PRKG1: variants seen among roughly 807,000 people sequenced by gnomAD.
PRKG1 encodes the protein cGMP-dependent protein kinase 1.
In PRKG1, 35 loss-of-function variants were observed where a neutral mutation model predicts 88.1. The ratio of observed to expected loss-of-function variants is 0.40; its 90% CI spans 0.30 to 0.53. The LOEUF (loss-of-function observed/expected upper bound fraction) is 0.53, where lower values mean the gene tolerates loss of function less well. Among genes scored for constraint, PRKG1 ranks in the 20% least tolerant of loss-of-function variants. The pLI is 0.59. For synonymous variants in PRKG1, 303 were observed against 292.5 expected (o/e 1.04, Z -0.37); for missense variants, 540 against 839.8 (o/e 0.64, Z 4.41).
chr10:51,988,671 C>T lies in PRKG1; in HGVS notation c.763-65813C>T, dbSNP rs570080860. On this transcript the variant is annotated intron_variant, in intron 5 of 17. Coordinates refer to ENST00000373980, the MANE Select transcript of PRKG1 (RefSeq NM_006258.4). ...CTTCTGTGAATTATCTATGCATATC[C>T]TTTATACCTTTTTCTTTTAGGTTTT... is the stretch of plus-strand genomic sequence containing the variant. 5.5e-4 allele frequency among the ~76,000 whole-genome samples: 84 copies of T among 152,058 alleles called. No homozygotes were observed. The South Asian group carries it at 0.011, about 20-fold the overall frequency.
chr10:51,551,837 G>A (rs1374260170), intron 3 of PRKG1, among the ~76,000 whole-genome samples: 1 of 151,740 alleles, frequency 6.6e-6, no homozygotes, highest in Non-Finnish European at 1.5e-5. Context: ...CTATGGAGAA[G>A]ACTAACCATA....
At chr10:51,114,434 A>T (rs1356084993) in intron 1 of PRKG1, among the ~76,000 whole-genome samples, 1 of 42,514 alleles carries the variant, frequency 2.4e-5, no homozygotes, top group Non-Finnish European at 5.9e-5. Flanking sequence ...CCCATGAGTG[A>T]CTCTGTGTGT....
intron 1 of PRKG1, among the ~76,000 whole-genome samples, chr10:51,086,926 T>A (rs1205066554): frequency 6.6e-6 from 1 of 152,200 alleles, no homozygotes; most frequent in Admixed American, 6.5e-5. Context: ...GGAAAATGGC[T>A]CAAGTATACA....
Position 51,702,469 on chromosome 10 carries a change from A to G in PRKG1, c.593-102116A>G, listed in dbSNP as rs181016033. ...CTAACTTGGAAGAACATCCATTTTT[A>G]TACTGCTTTTTTATTCCCATAAAGT... On this transcript the variant is annotated intron_variant, in intron 3 of 17. Transcript: ENST00000373980. Among the ~76,000 whole-genome samples the G allele has an allele frequency of 8.6e-4, 131 of 152,278 alleles. 2 individuals are homozygous for G. In the East Asian group the frequency reaches 0.022, roughly 26 times the overall value.
intron 1 of PRKG1, among the ~76,000 whole-genome samples, chr10:51,054,774 A>G (rs554603927): frequency 6.6e-6 from 1 of 152,278 alleles, no homozygotes; most frequent in East Asian, 1.9e-4. Flanking sequence ...GAAGCCCACA[A>G]GCTGTATGAT....
intron 7 of PRKG1, among the ~76,000 whole-genome samples, chr10:52,099,867 A>G (rs1847256261): frequency 6.6e-6 from 1 of 152,232 alleles, no homozygotes; most frequent in Admixed American, 6.5e-5. Flanking sequence ...TCCTAAGTCA[A>G]GAACTAAACA....
chr10:52,075,357 G>A (rs1242511985), intron 7 of PRKG1, among the ~76,000 whole-genome samples: 7 of 152,124 alleles, frequency 4.6e-5, no homozygotes, highest in Admixed American at 4.6e-4. Context: ...CAATCAAAAT[G>A]TTACTAAGAT....
At chr10:51,325,593 G>T (rs1273907436) in intron 2 of PRKG1, among the ~76,000 whole-genome samples, 1 of 152,140 alleles carries the variant, frequency 6.6e-6, no homozygotes, top group Non-Finnish European at 1.5e-5. Context: ...TGTTTCATTT[G>T]CTATGCAGAA....
intron 3 of PRKG1, among the ~76,000 whole-genome samples, chr10:51,608,633 T>C (rs1168710076): frequency 1.3e-5 from 2 of 152,316 alleles, no homozygotes; most frequent in African/African-American, 4.8e-5. Context: ...ATGCAGATGG[T>C]CAGTATCTAG....
intron 1 of PRKG1, among the ~76,000 whole-genome samples, chr10:51,115,772 T>C (rs1252402457): frequency 6.8e-6 from 1 of 146,910 alleles, no homozygotes; most frequent in East Asian, 2.0e-4. Flanking sequence ...GGAGGTGGAG[T>C]CTGTGGTGAG....
At chr10:51,783,887 C>A (rs577361288) in intron 3 of PRKG1, among the ~76,000 whole-genome samples, 70 of 152,238 alleles carry the variant, frequency 4.6e-4, no homozygotes, top group African/African-American at 1.5e-3. Flanking sequence ...GTGATGTGAA[C>A]TTGTTTCATT....
At chr10:51,247,635 G>A (rs922678767) in intron 2 of PRKG1, among the ~76,000 whole-genome samples, 13 of 151,892 alleles carry the variant, frequency 8.6e-5, no homozygotes, top group African/African-American at 2.9e-4. Flanking sequence ...ATCCTCAGGG[G>A]CCAGCATAGT....
chr10:52,227,606 C>T (rs1304060869), intron 9 of PRKG1, among the ~76,000 whole-genome samples: 1 of 152,010 alleles, frequency 6.6e-6, no homozygotes, highest in African/African-American at 2.4e-5. Context: ...ATTTTGGTAT[C>T]CACAGGAGAT....
Position 51,150,305 on chromosome 10 carries a change from A to C in PRKG1, c.312-2859A>C, listed in dbSNP as rs183687318. 2.0e-5 allele frequency among the ~76,000 whole-genome samples: 3 copies of C among 152,090 alleles called. No individual in the cohort carries two copies. In the South Asian group the frequency reaches 6.2e-4, roughly 31 times the overall value. ...ATCTTAGTTACAGTGAGTGTCTTAG[A>C]CCATTTCTTTGGGGAAAGAAAGGGA... On this transcript the variant is annotated intron_variant, in intron 1 of 17. Transcript: ENST00000373980.
chr10:51,637,089 C>A (rs949168898), intron 3 of PRKG1, among the ~76,000 whole-genome samples: 14 of 152,192 alleles, frequency 9.2e-5, no homozygotes, highest in Non-Finnish European at 1.5e-4. Context: ...ATTTAAAAAA[C>A]CCCATTAAAA....
chr10:51,647,723 C>G (rs1177725570), intron 3 of PRKG1, among the ~76,000 whole-genome samples: 2 of 151,976 alleles, frequency 1.3e-5, no homozygotes, highest in South Asian at 4.1e-4. Flanking sequence ...AAGAAGAACT[C>G]TTGATAATAA....
At chr10:52,032,229 T>TC (rs1845492285) in intron 5 of PRKG1, among the ~76,000 whole-genome samples, 1 of 152,222 alleles carries the variant, frequency 6.6e-6, no homozygotes, top group Non-Finnish European at 1.5e-5. Context: ...ACTAACCTGT[T>TC]CTTTTTTTTC....
chr10:52,223,665 G>T (rs2132337767), intron 9 of PRKG1, among the ~76,000 whole-genome samples: 1 of 152,154 alleles, frequency 6.6e-6, no homozygotes, highest in South Asian at 2.1e-4. Context: ...CAGACATCTA[G>T]CAACCTATTT....
chr10:51,337,020 G>C (rs188164364), intron 2 of PRKG1, among the ~76,000 whole-genome samples: 12 of 152,246 alleles, frequency 7.9e-5, no homozygotes, highest in African/African-American at 2.9e-4. Context: ...ATATTATAAG[G>C]CTACAGTAAC....
Sources: allele counts gnomAD v4.1 joint callset (sites outside exome capture counted in the v4.1 genomes callset), GRCh38; gene constraint gnomAD v4.1.1; transcripts MANE v1.5; gene names NCBI Gene and HGNC (gene_info 2026-07-23, HGNC 2026-07-21).